DNAJC13: variants seen among roughly 807,000 people sequenced by gnomAD.
The protein encoded by DNAJC13 is dnaJ homolog subfamily C member 13.
Under a neutral mutation model 290.5 loss-of-function variants are expected in DNAJC13, and 75 were observed. That is an observed-to-expected ratio of 0.26 (90% CI 0.21 to 0.31). The LOEUF is 0.31. DNAJC13 is among the 10% of genes least tolerant of loss of function. The pLI, the probability that DNAJC13 is intolerant of heterozygous loss-of-function variation, is 1.00. For missense variants in DNAJC13, 2,260 were observed against 2,674.5 expected, an observed-to-expected ratio of 0.85 and a Z score of 3.42; for synonymous variants, 862 against 892.0, an observed-to-expected ratio of 0.97 and a Z score of 0.60.
chr3:132,503,011 C>T (rs146008151), intron 40 of DNAJC13, among the ~76,000 whole-genome samples: 180 of 152,264 alleles, frequency 1.2e-3, no homozygotes, highest in African/African-American at 4.2e-3. Context: ...CATAGATTCT[C>T]CTGGTCCTTC....
chr3:132,493,913 G>T (rs1000352392), intron 33 of DNAJC13, among the ~76,000 whole-genome samples: 2 of 152,022 alleles, frequency 1.3e-5, no homozygotes, highest in African/African-American at 4.8e-5. Context: ...GATTGGCAGA[G>T]GATTTAAAAA....
intron 42 of DNAJC13, among the ~76,000 whole-genome samples, chr3:132,506,582 T>C (rs1935600716): frequency 8.1e-6 from 1 of 123,976 alleles, no homozygotes; most frequent in East Asian, 2.7e-4. Context: ...AGATTGAGTC[T>C]CACTCTGTTG....
rs531725329 is a variant in DNAJC13, at chr3:132,505,188, A to G, written c.4885-114A>G. 2.8e-5 allele frequency: 18 copies of G among 650,486 alleles called. No individual in the cohort carries two copies. In the African/African-American group the frequency reaches 2.8e-4, roughly 10 times the overall value. 40.3% of individuals were successfully genotyped at this position (650,486 alleles called of 1,614,324 possible). ...ATTGAGATACTTATTATTGAGGTCC[A>G]TTATACTATAGGCAACTATTATAGT... On this transcript the variant is annotated intron_variant, in intron 41 of 55. Transcript: ENST00000260818.
chr3:132,439,193 G>C (rs550658674), intron 2 of DNAJC13, among the ~76,000 whole-genome samples: 2 of 152,118 alleles, frequency 1.3e-5, no homozygotes, highest in African/African-American at 4.8e-5. Flanking sequence ...AATGCATTAG[G>C]ATATGTAATG....
At chr3:132,449,875 C>G (rs1285082159) in intron 5 of DNAJC13, among the ~76,000 whole-genome samples, 1 of 152,056 alleles carries the variant, frequency 6.6e-6, no homozygotes, top group African/African-American at 2.4e-5. Flanking sequence ...TCCTTATTTT[C>G]TCTTTGCTTC....
chr3:132,494,881 G>A (rs1935182000), intron 34 of DNAJC13, among the ~76,000 whole-genome samples: 1 of 151,536 alleles, frequency 6.6e-6, no homozygotes, highest in South Asian at 2.1e-4. Flanking sequence ...TGAATGGGTA[G>A]GGAACTTTTA....
At chr3:132,445,310 G>A (rs1449976267) in intron 2 of DNAJC13, among the ~76,000 whole-genome samples, 3 of 151,938 alleles carry the variant, frequency 2.0e-5, no homozygotes, top group Admixed American at 2.0e-4. Flanking sequence ...AACAAATTAT[G>A]TTAATAGATT....
chr3:132,499,846 A>G (rs1206121968), intron 38 of DNAJC13, 38 bp downstream of exon 38: 1 of 1,567,504 alleles, frequency 6.4e-7, no homozygotes, highest in Non-Finnish European at 8.8e-7. Flanking sequence ...AAATTGCACT[A>G]GTTCAATGGT....
intron 1 of DNAJC13, among the ~76,000 whole-genome samples, chr3:132,433,876 G>T (rs1364236907): frequency 6.6e-6 from 1 of 152,210 alleles, no homozygotes; most frequent in Non-Finnish European, 1.5e-5. Flanking sequence ...TGGTGCTAAA[G>T]GTTATGATAA....
chr3:132,476,278 G>A (rs146946956), intron 22 of DNAJC13, among the ~76,000 whole-genome samples: 2 of 152,186 alleles, frequency 1.3e-5, no homozygotes, highest in African/African-American at 4.8e-5. Flanking sequence ...TTGTGCTCTT[G>A]TTCTTCCCGA....
rs187983024 is a variant in DNAJC13, at chr3:132,466,267, C to A, written c.1969-32C>A. The A allele has an allele frequency of 3.2e-4, 506 of 1,560,916 alleles. 1 individual carries two copies. In the Middle Eastern group the frequency reaches 3.3e-3, roughly 10 times the overall value. On this transcript the variant is annotated intron_variant, in intron 18 of 55. Coordinates refer to ENST00000260818, the MANE Select transcript of DNAJC13 (RefSeq NM_015268.4). ...TTTTAAGGCTAAATTTTCTTTTTCA[C>A]ATTGTTTTGAAAATGGATTTTGTGT...
intron 43 of DNAJC13, among the ~76,000 whole-genome samples, chr3:132,508,521 A>G (rs1935665707): frequency 6.6e-6 from 1 of 152,214 alleles, no homozygotes; most frequent in Non-Finnish European, 1.5e-5. Flanking sequence ...ACCCTTCTGA[A>G]AATCCTAGGA....
intron 55 of DNAJC13, among the ~76,000 whole-genome samples, chr3:132,532,994 G>T (rs1284073575): frequency 2.0e-5 from 3 of 150,094 alleles, no homozygotes; most frequent in Admixed American, 2.0e-4. Flanking sequence ...CCTGACCTCA[G>T]GTGATCCACC....
At chr3:132,428,260 T>C (rs1939156365) in intron 1 of DNAJC13, among the ~76,000 whole-genome samples, 1 of 152,256 alleles carries the variant, frequency 6.6e-6, no homozygotes, top group African/African-American at 2.4e-5. Flanking sequence ...TACGTGCGTG[T>C]CTAAAAGTAT....
intron 28 of DNAJC13, 54 bp downstream of exon 28, chr3:132,483,631 G>C: frequency 6.6e-7 from 1 of 1,524,132 alleles, no homozygotes; most frequent in Non-Finnish European, 9.1e-7. Context: ...CTTAGTAACA[G>C]CATAGAATCG....
chr3:132,467,175 G>T lies in DNAJC13; in HGVS notation c.2070G>T (p.Gln690His). The T allele has an allele frequency of 1.2e-6, 2 of 1,611,888 alleles. No homozygotes were observed. Among genetic ancestry groups the T allele is most frequent in the Non-Finnish European group, 1.7e-6 (2 of 1,179,334 alleles). Reference sequence around the variant, plus strand: ...ATTCCAACATTATTTTACAGGATCAGTATGGAAAATTTAATAAAGTTCCAG... The same window carrying T: ...ATTCCAACATTATTTTACAGGATCATTATGGAAAATTTAATAAAGTTCCAG... The part of the protein sequence containing the change: ...VRDNVKIAMD[Q>H]YGKFNKVPEW... The change falls in exon 20 of 56, where the codon CAG (glutamine) becomes CAT (histidine). Residue 690 changes from glutamine to histidine, a missense_variant. Coordinates refer to ENST00000260818, the MANE Select transcript of DNAJC13 (RefSeq NM_015268.4).
At chr3:132,475,535 A>G (rs1204549125) in intron 22 of DNAJC13, among the ~76,000 whole-genome samples, 3 of 152,160 alleles carry the variant, frequency 2.0e-5, no homozygotes, top group Non-Finnish European at 2.9e-5. Context: ...AGATGGTGGT[A>G]GTAGGTAATT....
At chr3:132,420,818 A>G (rs1938933141) in intron 1 of DNAJC13, among the ~76,000 whole-genome samples, 1 of 152,222 alleles carries the variant, frequency 6.6e-6, no homozygotes, top group African/African-American at 2.4e-5. Context: ...CAAAGGCCTC[A>G]CAAAGAACAG....
rs1048643649 is a variant in DNAJC13, at chr3:132,417,544, A to G, written c.-230A>G. 6.6e-6 allele frequency: 1 copy of G among 152,006 alleles called. No individual in the cohort carries two copies. The highest frequency in any genetic ancestry group is 1.5e-5 in the Non-Finnish European group (1 of 67,988). 9.4% of individuals were successfully genotyped at this position (152,006 alleles called of 1,614,324 possible). ...AGCCTGAGCGAAGATGGCGGCCTCCAGAGTGAAACTCTGAGAGGCAGAGGG... is the reference window on the plus strand; with the variant it reads ...AGCCTGAGCGAAGATGGCGGCCTCCGGAGTGAAACTCTGAGAGGCAGAGGG... On this transcript the variant is annotated 5_prime_UTR_variant, in exon 1 of 56. Coordinates refer to ENST00000260818, the MANE Select transcript of DNAJC13 (RefSeq NM_015268.4).
Sources: allele counts gnomAD v4.1 joint callset (sites outside exome capture counted in the v4.1 genomes callset), GRCh38; gene constraint gnomAD v4.1.1; transcripts MANE v1.5; gene names NCBI Gene and HGNC (gene_info 2026-07-23, HGNC 2026-07-21).